Variants in YY1AP1 observed in about 807,000 individuals in gnomAD.
YY1AP1 encodes the protein YY1-associated protein 1.
Under a neutral mutation model 39.9 loss-of-function variants are expected in YY1AP1, and 43 were observed. That is an observed-to-expected ratio of 1.08 (90% CI 0.84 to 1.39). The LOEUF (loss-of-function observed/expected upper bound fraction) is 1.39, where lower values mean the gene tolerates loss of function less well. Ranked by LOEUF, YY1AP1 falls within the 40% of genes most tolerant of loss-of-function variation. YY1AP1 has a pLI of 0.00. For missense variants in YY1AP1, 813 were observed against 900.7 expected (o/e 0.90, Z 1.25); for synonymous variants, 292 against 331.3 (o/e 0.88, Z 1.29).
chr1:155,686,092 T>G (rs1299196454), intron 2 of YY1AP1, among the ~76,000 whole-genome samples: 2 of 137,798 alleles, frequency 1.5e-5, no homozygotes, highest in East Asian at 4.6e-4. Context: ...TGGAGTGCAG[T>G]GGCGCAATCT....
chr1:155,685,253 G>C (rs1032473022), intron 2 of YY1AP1, among the ~76,000 whole-genome samples: 1 of 152,106 alleles, frequency 6.6e-6, no homozygotes, highest in Non-Finnish European at 1.5e-5. Flanking sequence ...TAAAATTTCA[G>C]CTTCTAGGAA....
rs1435021955 is a variant in YY1AP1, at chr1:155,660,852, C to T, written c.1058G>A (p.Gly353Glu). 2.5e-5 allele frequency: 41 copies of T among 1,614,040 alleles called. No homozygotes were observed. Among genetic ancestry groups the T allele is most frequent in the Non-Finnish European group, 3.5e-5 (41 of 1,180,030 alleles). The part of the protein sequence containing the change: ...RHMADGAREV[G>E]NMTGTTEINS... ...GATCTCAGTGGTTCCAGTCATATTT[C>T]CTACCTCTCTAGCACCATCAGCCAT... The change falls in exon 11 of 11, where the codon GGA becomes GAA. Residue 353 changes from glycine (G) to glutamate (E), a missense_variant. By Grantham distance (98) the Gly-to-Glu change is moderately conservative (BLOSUM62 -2). Transcript: ENST00000355499.
upstream of YY1AP1, chr1:155,688,826 C>T (rs1653183863): frequency 1.3e-6 from 2 of 1,574,010 alleles, no homozygotes; most frequent in African/African-American, 1.4e-5. Context: ...TGTTCCATTC[C>T]TGGCGGCTGC....
At chr1:155,679,328 T>C in intron 4 of YY1AP1, 81 bp downstream of exon 4, 3 of 1,597,726 alleles carry the variant, frequency 1.9e-6, no homozygotes, top group Non-Finnish European at 2.6e-6. Flanking sequence ...GGATGAAAAA[T>C]TGTTAACTGC....
intron 6 of YY1AP1, among the ~76,000 whole-genome samples, chr1:155,673,114 G>A (rs1427051964): frequency 6.6e-6 from 1 of 152,030 alleles, no homozygotes; most frequent in Non-Finnish European, 1.5e-5. Flanking sequence ...CCCCTCCCAG[G>A]CTCAAGCCAT....
intron 2 of YY1AP1, among the ~76,000 whole-genome samples, chr1:155,680,736 CTTCCATAT>C (rs1367142033): frequency 2.6e-5 from 4 of 152,184 alleles, no homozygotes; most frequent in African/African-American, 9.6e-5. Flanking sequence ...CCGGCTAATT[CTTCCATAT>C]TTTGTAGAGA....
rs983948468 is a variant in YY1AP1, at chr1:155,688,740, C to G, written c.-233G>C. 4.1e-5 allele frequency: 62 copies of G among 1,518,180 alleles called. 1 individual carries two copies. The Middle Eastern group carries it at 6.1e-4, about 15-fold the overall frequency. 94.0% of individuals were successfully genotyped at this position (1,518,180 alleles called of 1,614,324 possible). A position where few individuals can be genotyped will look rare whatever the true frequency, so the allele number is the denominator to read the frequency against. On this transcript the variant is annotated 5_prime_UTR_variant, in exon 1 of 11. Coordinates refer to ENST00000355499, the MANE Select transcript of YY1AP1 (RefSeq NM_139119.3). ...CCCCGCCCGCACGGCCACCAACCGC[C>G]GCCAAAGCAGCCGCCGCCAGCACCC...
At chr1:155,664,390 C>G (rs1648636706) in intron 9 of YY1AP1, among the ~76,000 whole-genome samples, 1 of 152,174 alleles carries the variant, frequency 6.6e-6, no homozygotes, top group East Asian at 1.9e-4. Flanking sequence ...TACATAGAAA[C>G]AAGAGCTATA....
In YY1AP1 at chr1:155,688,315, A is replaced by C. The variant is rs1315095667; in HGVS notation, c.-151-114T>G. 7 of 1,559,940 alleles carry C rather than the reference A, an allele frequency of 4.5e-6. No individual in the cohort carries two copies. The highest frequency in any genetic ancestry group is 2.4e-5 in the East Asian group (1 of 41,576). ...TCGTTTCCCCTCGCAAAGCGAACCCAAAATGGCGGCGGCAGCGGCGGCAGC... is the reference window on the plus strand; with the variant it reads ...TCGTTTCCCCTCGCAAAGCGAACCCCAAATGGCGGCGGCAGCGGCGGCAGC... On this transcript the variant is annotated intron_variant, in intron 1 of 10. Transcript: ENST00000355499.
At chr1:155,677,367 T>C (rs1226088392) in intron 4 of YY1AP1, among the ~76,000 whole-genome samples, 1 of 152,162 alleles carries the variant, frequency 6.6e-6, no homozygotes, top group Non-Finnish European at 1.5e-5. Flanking sequence ...ATCCATACCC[T>C]CCTGAAAGAT....
chr1:155,684,353 A>G (rs58368406), intron 2 of YY1AP1, among the ~76,000 whole-genome samples: 3,595 of 152,300 alleles, frequency 0.024, 148 homozygotes, highest in African/African-American at 0.082. Flanking sequence ...CTACACACAC[A>G]TATCACATGT....
At chr1:155,662,563 C>T (rs1648327758) in intron 9 of YY1AP1, among the ~76,000 whole-genome samples, 1 of 151,786 alleles carries the variant, frequency 6.6e-6, no homozygotes, top group African/African-American at 2.4e-5. Flanking sequence ...ATCTGTTCAT[C>T]CAACATGATG....
At position 155,660,380 on chromosome 1, in the gene YY1AP1, C is replaced by G; in HGVS notation, c.1530G>C (p.Lys510Asn). ...QTLLSSAPVP[K>N]VMMPSPASSM... ...AAGAGGCAGGGGAGGGCATCATTAC[C>G]TTGGGCACAGGGGCAGAAGAGAGCA... The change falls in exon 11 of 11, where the codon AAG becomes AAC. Residue 510 changes from lysine to asparagine, a missense_variant. This residue lies in a region of YY1AP1 where 586 missense variants were observed against 647.4 expected (regional missense o/e 0.91). Coordinates refer to ENST00000355499, the MANE Select transcript of YY1AP1 (RefSeq NM_139119.3). The G allele has an allele frequency of 6.2e-7, 1 of 1,614,126 alleles. No individual in the cohort carries two copies. Among genetic ancestry groups the G allele is most frequent in the Non-Finnish European group, 8.5e-7 (1 of 1,180,024 alleles).
At chr1:155,684,260 CAA>C (rs1197387788) in intron 2 of YY1AP1, among the ~76,000 whole-genome samples, 1 of 151,738 alleles carries the variant, frequency 6.6e-6, no homozygotes, top group African/African-American at 2.4e-5. Flanking sequence ...AAAACAAAAA[CAA>C]AAACAAAAAA....
chr1:155,663,592 G>A (rs762028508), intron 9 of YY1AP1, among the ~76,000 whole-genome samples: 3 of 151,646 alleles, frequency 2.0e-5, no homozygotes, highest in Admixed American at 2.0e-4. Context: ...GGTGGTGAGC[G>A]CCTGTAGTCC....
In YY1AP1 at chr1:155,680,718, T is replaced by C. The variant is rs114381954; in HGVS notation, c.-20-262A>G. Reference sequence around the variant, plus strand: ...AGTAGCTGGGGCAACAGGAGTGTGCTGTCATGCCCGGCTAATTCTTCCATA... The same window carrying C: ...AGTAGCTGGGGCAACAGGAGTGTGCCGTCATGCCCGGCTAATTCTTCCATA... On this transcript the variant is annotated intron_variant, in intron 2 of 10. Coordinates refer to ENST00000355499, the MANE Select transcript of YY1AP1 (RefSeq NM_139119.3). Among the ~76,000 whole-genome samples, 935 of 152,088 alleles carry C rather than the reference T, an allele frequency of 6.1e-3. 10 individuals are homozygous for C. Among genetic ancestry groups the C allele is most frequent in the African/African-American group, 0.022 (911 of 41,472 alleles).
At chr1:155,674,442 C>T (rs1441612398) in intron 6 of YY1AP1, among the ~76,000 whole-genome samples, 1 of 151,996 alleles carries the variant, frequency 6.6e-6, no homozygotes, top group Non-Finnish European at 1.5e-5. Flanking sequence ...GCCACTATGC[C>T]CAGCCTCAAC....
At chr1:155,682,668 T>C (rs1651690122) in intron 2 of YY1AP1, among the ~76,000 whole-genome samples, 2 of 151,962 alleles carry the variant, frequency 1.3e-5, no homozygotes, top group Non-Finnish European at 2.9e-5. Context: ...GCCAAGTACT[T>C]TGATTCTTAA....
chr1:155,668,696 C>T lies in YY1AP1; in HGVS notation c.810G>A (p.Lys270=). 6.2e-7 allele frequency: 1 copy of T among 1,614,172 alleles called. No individual in the cohort carries two copies. Among genetic ancestry groups the T allele is most frequent in the Non-Finnish European group, 8.5e-7 (1 of 1,180,028 alleles). Residue 270 remains lysine (K), a synonymous_variant, in exon 9 of 11, where the codon AAG becomes AAA. Transcript: ENST00000355499. ...TTCTCACTGTCAGTTGGCGGGCAGT[C>T]TTGCAGGTTAGAAGGTACTTGCTGA... ...PLISKYLLTC[K]TARQLTVRIK...
Sources: allele counts gnomAD v4.1 joint callset (sites outside exome capture counted in the v4.1 genomes callset), GRCh38; gene constraint gnomAD v4.1.1; regional missense constraint gnomAD v4.1.1; transcripts MANE v1.5; gene names NCBI Gene and HGNC (gene_info 2026-07-23, HGNC 2026-07-21).